Variants in SEMA7A observed in about 807,000 individuals in gnomAD.
SEMA7A encodes semaphorin 7A (JohnMiltonHagen blood group).
Under a neutral mutation model 67.5 loss-of-function variants are expected in SEMA7A, and 21 were observed. The ratio of observed to expected loss-of-function variants is 0.31; its 90% CI spans 0.22 to 0.45. SEMA7A has a LOEUF of 0.45. Ranked by LOEUF, SEMA7A falls within the 20% of genes least tolerant of loss-of-function variation. The pLI is 1.00. For synonymous variants in SEMA7A, 364 were observed against 368.5 expected, an observed-to-expected ratio of 0.99 and a Z score of 0.14; for missense variants, 774 against 908.6, an observed-to-expected ratio of 0.85 and a Z score of 1.90.
rs1163373467 is a variant in SEMA7A, at chr15:74,418,965, C to G, written c.179-13G>C. ...TGCCCTACATGGCCTGAGGAGGAGA[C>G]AATTAGTAGAAACATTGAAGCCAGG... On this transcript the variant is annotated splice_polypyrimidine_tract_variant and intron_variant, in intron 1 of 13. Transcript: ENST00000261918. 1 of 1,610,998 alleles carries G rather than the reference C, an allele frequency of 6.2e-7. No individual in the cohort carries two copies. The highest frequency in any genetic ancestry group is 1.7e-5 in the Admixed American group (1 of 59,772).
At chr15:74,420,860 G>A (rs548647876) in intron 1 of SEMA7A, among the ~76,000 whole-genome samples, 34 of 152,320 alleles carry the variant, frequency 2.2e-4, no homozygotes, top group African/African-American at 7.7e-4. Flanking sequence ...AGGAAAAGGT[G>A]CGTGTCTGCA....
Position 74,411,593 on chromosome 15 carries a change from C to G in SEMA7A, c.1540G>C (p.Asp514His). The G allele has an allele frequency of 6.3e-7, 1 of 1,593,382 alleles. No individual in the cohort carries two copies. The highest frequency in any genetic ancestry group is 8.6e-7 in the Non-Finnish European group (1 of 1,169,122). The change falls in exon 12 of 14, where the codon GAC becomes CAC. Residue 514 changes from aspartate to histidine, a missense_variant. Coordinates refer to ENST00000261918, the MANE Select transcript of SEMA7A (RefSeq NM_003612.5). The surrounding 1 kb of genome is among the most constrained non-coding windows in gnomAD (Gnocchi z 4.4). The part of the protein sequence containing the change: ...LMSRDPYCGW[D>H]QGRCISIYSS... The stretch of plus-strand genomic sequence containing the variant: ...TAGATGGAGATGCAGCGGCCTTGGT[C>G]CCAGCCGCAGTAGGGGTCTCGGGAC...
intron 10 of SEMA7A, among the ~76,000 whole-genome samples, chr15:74,412,931 T>A (rs2060914288): frequency 2.0e-5 from 3 of 152,218 alleles, no homozygotes; most frequent in Non-Finnish European, 4.4e-5. Context: ...CAATGCTCTC[T>A]CCGTTCACAA....
Position 74,411,019 on chromosome 15 carries a change from G to T in SEMA7A, c.1640-34C>A. ...GCAGTGGGGAAGCAGCCGTGAGGAGGGACAAAGAGCTCCCAGGGGAGGATG... is the reference window on the plus strand; with the variant it reads ...GCAGTGGGGAAGCAGCCGTGAGGAGTGACAAAGAGCTCCCAGGGGAGGATG... On this transcript the variant is annotated intron_variant, in intron 13 of 13. Transcript: ENST00000261918. The surrounding 1 kb of genome is among the most constrained non-coding windows in gnomAD (Gnocchi z 4.4). 1 of 1,590,828 alleles carries T rather than the reference G, an allele frequency of 6.3e-7. No homozygotes were observed.
At chr15:74,424,221 C>G (rs1040833966) in intron 1 of SEMA7A, among the ~76,000 whole-genome samples, 1 of 152,010 alleles carries the variant, frequency 6.6e-6, no homozygotes, top group East Asian at 1.9e-4. Context: ...TGGGGCTGGG[C>G]CTTCCTGGGT....
At chr15:74,416,436 G>A (rs771980662) in intron 7 of SEMA7A, 139 bp downstream of exon 7, 93 of 879,178 alleles carry the variant, frequency 1.1e-4, no homozygotes, top group Non-Finnish European at 1.5e-4. Context: ...TGCACACACA[G>A]CTGCTCCCAC....
At chr15:74,432,758 C>G (rs1179169101) in intron 1 of SEMA7A, among the ~76,000 whole-genome samples, 1 of 152,178 alleles carries the variant, frequency 6.6e-6, no homozygotes, top group Admixed American at 6.5e-5. Flanking sequence ...GACAGGGGGG[C>G]CGCAGACACG....
chr15:74,416,643 GGAA>G lies in SEMA7A; in HGVS notation c.730_732del (p.Phe244del). 1 of 1,614,044 alleles carries G rather than the reference GGAA, an allele frequency of 6.2e-7. No homozygotes were observed. The highest frequency in any genetic ancestry group is 8.5e-7 in the Non-Finnish European group (1 of 1,179,934). On this transcript the variant is annotated inframe_deletion, in exon 7 of 14. Transcript: ENST00000261918. ...GGATTCTTGTCAGGATTGTCCTCTC[GGAA>G]GAAGTAGTAGATCTTGTCATCGTAA...
intron 1 of SEMA7A, among the ~76,000 whole-genome samples, chr15:74,425,096 A>C (rs566829924): frequency 1.3e-4 from 20 of 152,306 alleles, no homozygotes; most frequent in African/African-American, 4.8e-4. Context: ...CCAGCCAGCA[A>C]AGCCCATTAG....
At chr15:74,418,340 C>A (rs142553012) in intron 2 of SEMA7A, 31 bp from the exon 3 acceptor site, 6 of 1,610,714 alleles carry the variant, frequency 3.7e-6, no homozygotes, top group African/African-American at 1.3e-5. Context: ...TTAGTTCAAT[C>A]TGCCAGGGGT....
At chr15:74,421,261 C>A (rs1288106755) in intron 1 of SEMA7A, among the ~76,000 whole-genome samples, 2 of 152,188 alleles carry the variant, frequency 1.3e-5, no homozygotes, top group Admixed American at 1.3e-4. Context: ...CAGAAAACTT[C>A]CACAGCTCTC....
chr15:74,415,006 T>C, intron 8 of SEMA7A, 60 bp from the exon 9 acceptor site: 1 of 1,408,036 alleles, frequency 7.1e-7, no homozygotes, highest in Non-Finnish European at 1.0e-6. Context: ...CCACCTCCAC[T>C]CACCCAGGCC....
In SEMA7A at chr15:74,411,776, C is replaced by T; in HGVS notation, c.1423-66G>A. ...CCACACTCAGTCCTAAATGTCCAGG[C>T]CCTAAGGCCTAGAAGCTCTTAAAAG... On this transcript the variant is annotated intron_variant, in intron 11 of 13. Coordinates refer to ENST00000261918, the MANE Select transcript of SEMA7A (RefSeq NM_003612.5). This position sits in a 1 kb window ranked among gnomAD's most constrained non-coding sequence, Gnocchi z 4.4. The T allele has an allele frequency of 6.2e-7, 1 of 1,604,128 alleles. No individual in the cohort carries two copies. Among genetic ancestry groups the T allele is most frequent in the Non-Finnish European group, 8.5e-7 (1 of 1,176,966 alleles).
rs971840926 is a variant in SEMA7A at position 74,411,112 on chromosome 15, C to T, written c.1640-127G>A. 5 of 1,428,814 alleles carry T rather than the reference C, an allele frequency of 3.5e-6. No homozygotes were observed. The highest frequency in any genetic ancestry group is 2.3e-5 in the Admixed American group (1 of 42,672). 88.5% of individuals were successfully genotyped at this position (1,428,814 alleles called of 1,614,324 possible). A position where few individuals can be genotyped will look rare whatever the true frequency, so the allele number is the denominator to read the frequency against. On this transcript the variant is annotated intron_variant, in intron 13 of 13. Transcript: ENST00000261918. This position sits in a 1 kb window ranked among gnomAD's most constrained non-coding sequence, Gnocchi z 4.4. ...TGAACGTGGGGAACCCAGCCCTCAG[C>T]GTCCTCCTTTTTTCTCCCGTCTCGC...
intron 1 of SEMA7A, among the ~76,000 whole-genome samples, chr15:74,431,657 G>C (rs75428852): frequency 3.3e-5 from 5 of 152,310 alleles, no homozygotes; most frequent in Admixed American, 2.0e-4. Context: ...CTGTTCCTGG[G>C]TTTGTCCTAC....
intron 5 of SEMA7A, 29 bp downstream of exon 5, chr15:74,417,562 C>T (rs778044257): frequency 1.2e-6 from 2 of 1,605,330 alleles, no homozygotes; most frequent in Admixed American, 1.7e-5. Context: ...AAGCATCCCC[C>T]TGGGGCGCCT....
chr15:74,410,841 T>C lies in SEMA7A; in HGVS notation c.1784A>G (p.Asn595Ser), dbSNP rs745729886. The C allele has an allele frequency of 1.4e-5, 22 of 1,614,052 alleles. No homozygotes were observed. Among genetic ancestry groups the C allele is most frequent in the Non-Finnish European group, 1.9e-5 (22 of 1,180,020 alleles). ...GAGGTTCTCGATGAACAGGATGCAG[T>C]TGGGGCTCTGGTGACCAGGTTCGCA... is the stretch of plus-strand genomic sequence containing the variant. ...QSCEPGHQSP[N>S]CILFIENLTA... Residue 595 changes from asparagine to serine, a missense_variant, in exon 14 of 14, where the codon AAC (asparagine) becomes AGC (serine). Transcript: ENST00000261918. This position sits in a 1 kb window ranked among gnomAD's most constrained non-coding sequence, Gnocchi z 7.5.
intron 10 of SEMA7A, among the ~76,000 whole-genome samples, chr15:74,413,760 A>G (rs1156494749): frequency 6.6e-6 from 1 of 152,170 alleles, no homozygotes; most frequent in Non-Finnish European, 1.5e-5. Flanking sequence ...ACCAAAGCCG[A>G]GACAGTTCCA....
chr15:74,422,476 T>C (rs1489965473), intron 1 of SEMA7A, among the ~76,000 whole-genome samples: 1 of 152,086 alleles, frequency 6.6e-6, no homozygotes. Flanking sequence ...CCGCCCCATG[T>C]GATTCCGAGC....
Sources: allele counts gnomAD v4.1 joint callset (sites outside exome capture counted in the v4.1 genomes callset), GRCh38; gene constraint gnomAD v4.1.1; non-coding constraint Gnocchi (gnomAD v3.1); transcripts MANE v1.5; gene names NCBI Gene and HGNC (gene_info 2026-07-23, HGNC 2026-07-21).